Variants in RSKR observed in about 807,000 individuals in gnomAD.
RSKR encodes the protein ribosomal protein S6 kinase related.
Under a neutral mutation model 56.8 loss-of-function variants are expected in RSKR, and 44 were observed. That is an observed-to-expected ratio of 0.77 (90% CI 0.61 to 1.00). The LOEUF is 1.00. RSKR is among the 50% of genes least tolerant of loss of function. RSKR has a pLI of 0.00. For synonymous variants in RSKR, 181 were observed against 188.0 expected (o/e 0.96, Z 0.30); for missense variants, 510 against 506.9 (o/e 1.01, Z -0.06).
chr17:28,611,347 A>C (rs1264060387), intron 10 of RSKR, 46 bp downstream of exon 10: 2 of 1,535,806 alleles, frequency 1.3e-6, no homozygotes, highest in Non-Finnish European at 1.7e-6. Flanking sequence ...TCTTCCCACC[A>C]CAAGGCAAAG....
At position 28,614,155 on chromosome 17, in the gene RSKR, C is replaced by T. The variant is rs139122071; in HGVS notation, c.7G>A (p.Ala3Thr). Residue 3 changes from alanine to threonine, a missense_variant, in exon 1 of 12, where the codon GCA (alanine) becomes ACA (threonine). Transcript: ENST00000301037. MG[A>T]VSCRQGQHTQ... is the part of the protein sequence containing the mutation. ...TGCTGCCCCTGCCGACAGCTTACTGCTCCCATTCCCAGCCTCTGCCTCCTC... is the reference window on the plus strand; with the variant it reads ...TGCTGCCCCTGCCGACAGCTTACTGTTCCCATTCCCAGCCTCTGCCTCCTC... 3,265 of 1,613,494 alleles carry T rather than the reference C, an allele frequency of 2.0e-3. 92 individuals carry two copies. The Admixed American group carries it at 0.044, about 22-fold the overall frequency.
Position 28,611,767 on chromosome 17 carries a change from C to T in RSKR, c.721+1G>A, listed in dbSNP as rs1325629067. The T allele has an allele frequency of 1.9e-6, 3 of 1,614,190 alleles. No individual in the cohort carries two copies. The highest frequency in any genetic ancestry group is 4.5e-5 in the East Asian group (2 of 44,886). Reference sequence around the variant, plus strand: ...GGGGCTAAGGAAGGAAAAAGACTTACCTCGTTCATCTAGAAGAATATTCTC... The same window carrying T: ...GGGGCTAAGGAAGGAAAAAGACTTATCTCGTTCATCTAGAAGAATATTCTC... On this transcript the variant is annotated splice_donor_variant, in intron 8 of 11. Transcript: ENST00000301037. LOFTEE classifies it high-confidence loss of function.
chr17:28,610,632 C>CGAAA lies in RSKR; in HGVS notation c.1075_1078dup (p.Arg360LeufsTer36), dbSNP rs1567632741. On this transcript the variant is annotated frameshift_variant, in exon 12 of 12. Coordinates refer to ENST00000301037, the MANE Select transcript of RSKR (RefSeq NM_001174103.2). LOFTEE classifies it high-confidence loss of function. The stretch of plus-strand genomic sequence containing the variant: ...GAGCTCTGGGTCGAAGGCCACACCC[C>CGAAA]GAAAGAAAGGGTGGACCTGGAAGTG... 1 of 1,535,942 alleles carries CGAAA rather than the reference C, an allele frequency of 6.5e-7. No homozygotes were observed. The highest frequency in any genetic ancestry group is 2.0e-5 in the Admixed American group (1 of 50,960).
chr17:28,612,255 C>G lies in RSKR; in HGVS notation c.652+7G>C. On this transcript the variant is annotated splice_region_variant and intron_variant, in intron 6 of 11. Coordinates refer to ENST00000301037, the MANE Select transcript of RSKR (RefSeq NM_001174103.2). Reference sequence around the variant, plus strand: ...CTCCCCATTTCCTTTACCACTGTTTCACTTACACAGTACCAGCACCAACTC... The same window carrying G: ...CTCCCCATTTCCTTTACCACTGTTTGACTTACACAGTACCAGCACCAACTC... 1 of 1,613,862 alleles carries G rather than the reference C, an allele frequency of 6.2e-7. No individual in the cohort carries two copies. The highest frequency in any genetic ancestry group is 8.5e-7 in the Non-Finnish European group (1 of 1,179,754).
At chr17:28,613,748 A>G in intron 1 of RSKR, 60 bp from the exon 2 acceptor site, 2 of 1,599,184 alleles carry the variant, frequency 1.3e-6, no homozygotes, top group South Asian at 1.1e-5. Flanking sequence ...GGTTCCACCC[A>G]TCTTACTAGG....
rs1295426732 is a variant in RSKR, at chr17:28,612,569, A to G, written c.547+49T>C. 1.9e-6 allele frequency: 3 copies of G among 1,589,912 alleles called. No homozygotes were observed. In the Admixed American group the frequency reaches 5.0e-5, roughly 27 times the overall value. ...GCCAAAGAGGTAATCTCAGGTGGGG[A>G]ACATGGTACAAAGACCCTGGGGGAT... On this transcript the variant is annotated intron_variant, in intron 5 of 11. Coordinates refer to ENST00000301037, the MANE Select transcript of RSKR (RefSeq NM_001174103.2).
rs1428580326 is a variant in RSKR, at chr17:28,611,313, G to A, written c.901-60C>T. On this transcript the variant is annotated intron_variant, in intron 10 of 11. Coordinates refer to ENST00000301037, the MANE Select transcript of RSKR (RefSeq NM_001174103.2). Reference sequence around the variant, plus strand: ...GGGGTTCATTCCTTAGTAGGAATACGGCAAGATTTCCTAAGGTCTTCCTTC... The same window carrying A: ...GGGGTTCATTCCTTAGTAGGAATACAGCAAGATTTCCTAAGGTCTTCCTTC... 8.5e-6 allele frequency: 13 copies of A among 1,529,398 alleles called. No homozygotes were observed. In the East Asian group the frequency reaches 1.2e-4, roughly 14 times the overall value. 94.7% of individuals were successfully genotyped at this position (1,529,398 alleles called of 1,614,324 possible).
chr17:28,611,620 T>C lies in RSKR; in HGVS notation c.758A>G (p.His253Arg). 6.3e-7 allele frequency: 1 copy of C among 1,575,098 alleles called. No homozygotes were observed. The highest frequency in any genetic ancestry group is 8.6e-7 in the Non-Finnish European group (1 of 1,161,862). ...LKLTDFGLSRHVPQGAQAYTI... is the reference protein window; with the variant it reads ...LKLTDFGLSRRVPQGAQAYTI... ...GTAGGCTTGAGCTCCCTGGGGCACG[T>C]GGCGGGACAGACCAAAGTCTGTCAG... The change falls in exon 9 of 12, where the codon CAC (histidine) becomes CGC (arginine). Residue 253 changes from histidine to arginine, a missense_variant. By Grantham distance (29) the His-to-Arg change is conservative. Coordinates refer to ENST00000301037, the MANE Select transcript of RSKR (RefSeq NM_001174103.2).
intron 7 of RSKR, 69 bp from the exon 8 acceptor site, chr17:28,611,864 C>A: frequency 6.2e-7 from 1 of 1,613,140 alleles, no homozygotes; most frequent in South Asian, 1.1e-5. Context: ...GTATACACCC[C>A]AGCTGAAGGT....
rs2070773126 is a variant in RSKR, at chr17:28,608,558, G to A, written c.*1920C>T. The A allele has an allele frequency of 6.6e-6, 1 of 152,170 alleles. No homozygotes were observed. The highest frequency in any genetic ancestry group is 1.5e-5 in the Non-Finnish European group (1 of 68,048). 9.4% of individuals were successfully genotyped at this position (152,170 alleles called of 1,614,324 possible). A position where few individuals can be genotyped will look rare whatever the true frequency, so the allele number is the denominator to read the frequency against. On this transcript the variant is annotated 3_prime_UTR_variant, in exon 12 of 12. Transcript: ENST00000301037. The stretch of plus-strand genomic sequence containing the variant: ...TTGGGGAGAAACGGGGTTTCACCAT[G>A]TTGGCCAGGCTGGTCTCGAACTCCT...
rs1567632741 is a variant in RSKR at position 28,610,632 on chromosome 17, CGAAA to C, written c.1075_1078del (p.Phe359GlyfsTer15). On this transcript the variant is annotated frameshift_variant, in exon 12 of 12. Transcript: ENST00000301037. LOFTEE classifies it high-confidence loss of function. The stretch of plus-strand genomic sequence containing the variant: ...GAGCTCTGGGTCGAAGGCCACACCC[CGAAA>C]GAAAGGGTGGACCTGGAAGTGATGC... 2 of 1,535,942 alleles carry C rather than the reference CGAAA, an allele frequency of 1.3e-6. No individual in the cohort carries two copies. The highest frequency in any genetic ancestry group is 1.7e-6 in the Non-Finnish European group (2 of 1,146,900).
intron 5 of RSKR, 66 bp from the exon 6 acceptor site, chr17:28,612,432 C>T (rs2070830242): frequency 1.3e-6 from 2 of 1,540,692 alleles, no homozygotes; most frequent in African/African-American, 2.7e-5. Context: ...AGCTGCAATG[C>T]CTGGGCTCAA....
At position 28,614,167 on chromosome 17, in the gene RSKR, G is replaced by A; in HGVS notation, c.-6C>T. 1.2e-6 allele frequency: 2 copies of A among 1,613,098 alleles called. No individual in the cohort carries two copies. Among genetic ancestry groups the A allele is most frequent in the Non-Finnish European group, 8.5e-7 (1 of 1,179,954 alleles). ...CGACAGCTTACTGCTCCCATTCCCAGCCTCTGCCTCCTCTCTCTGCTAAAT... is the reference window on the plus strand; with the variant it reads ...CGACAGCTTACTGCTCCCATTCCCAACCTCTGCCTCCTCTCTCTGCTAAAT... On this transcript the variant is annotated 5_prime_UTR_variant, in exon 1 of 12. Coordinates refer to ENST00000301037, the MANE Select transcript of RSKR (RefSeq NM_001174103.2).
intron 11 of RSKR, 93 bp downstream of exon 11, chr17:28,611,050 A>T: frequency 8.5e-7 from 1 of 1,183,236 alleles, no homozygotes; most frequent in Non-Finnish European, 1.2e-6. Flanking sequence ...CCTCAAAAAA[A>T]CTGATGAGAG....
chr17:28,609,032 C>CTTTTT lies in RSKR; in HGVS notation c.*1441_*1445dup, dbSNP rs749382342. On this transcript the variant is annotated 3_prime_UTR_variant, in exon 12 of 12. Transcript: ENST00000301037. ...TTGAGATATGTCTCTAACCTTAAAT[C>CTTTTT]TTTTTTTTTTTTTTTTTTTTTTTTT... 13 of 93,658 alleles carry CTTTTT rather than the reference C, an allele frequency of 1.4e-4. No individual in the cohort carries two copies. The highest frequency in any genetic ancestry group is 2.9e-4 in the African/African-American group (6 of 20,834). 5.8% of individuals were successfully genotyped at this position (93,658 alleles called of 1,614,324 possible).
rs1278189855 is a variant in RSKR at position 28,608,188 on chromosome 17, T to C, written c.*2290A>G. The C allele has an allele frequency of 6.6e-6, 1 of 152,130 alleles. No homozygotes were observed. Among genetic ancestry groups the C allele is most frequent in the Non-Finnish European group, 1.5e-5 (1 of 68,024 alleles). The allele number at this position is 152,130 out of a possible 1,614,324, so 9.4% of individuals were successfully genotyped here. A position where few individuals can be genotyped will look rare whatever the true frequency, so the allele number is the denominator to read the frequency against. On this transcript the variant is annotated 3_prime_UTR_variant, in exon 12 of 12. Coordinates refer to ENST00000301037, the MANE Select transcript of RSKR (RefSeq NM_001174103.2). Reference sequence around the variant, plus strand: ...TGGGCTCTAAATGGTCTAGTATCAGTACAAACAGAAAAATACAATCAGCTG... The same window carrying C: ...TGGGCTCTAAATGGTCTAGTATCAGCACAAACAGAAAAATACAATCAGCTG...
Position 28,611,414 on chromosome 17 carries a change from A to G in RSKR, c.879T>C (p.Leu293=), listed in dbSNP as rs760944582. ...TCACCTTTCCAGTCGCCAGAGAGAA[A>G]AGCAAGACACCCAGGGACCACCAAT... ...AADWWSLGVL[L]FSLATGKFPV... is the part of the protein sequence containing the mutation. The change falls in exon 10 of 12, where the codon CTT becomes CTC. Residue 293 remains leucine (L), a synonymous_variant. Transcript: ENST00000301037. The G allele has an allele frequency of 6.3e-7, 1 of 1,599,148 alleles. No individual in the cohort carries two copies. The highest frequency in any genetic ancestry group is 1.1e-5 in the South Asian group (1 of 90,696).
In RSKR at chr17:28,613,660, G is replaced by A. The variant is rs758058775; in HGVS notation, c.104C>T (p.Ala35Val). 21 of 1,613,920 alleles carry A rather than the reference G, an allele frequency of 1.3e-5. No individual in the cohort carries two copies. Among genetic ancestry groups the A allele is most frequent in the African/African-American group, 2.7e-5 (2 of 74,850 alleles). ...TGTCCAGAGGCTCTTCCAGCCTCGG[G>A]CCCAGGGACCCCGGATGTTGCCACC... ...KQGGNIRGPWARGWKSLWTGL... is the reference protein window; with the variant it reads ...KQGGNIRGPWVRGWKSLWTGL... The change falls in exon 2 of 12, where the codon GCC (alanine) becomes GTC (valine). Residue 35 changes from alanine to valine, a missense_variant. By Grantham distance (64) the Ala-to-Val change is moderately conservative. Transcript: ENST00000301037.
intron 4 of RSKR, 129 bp downstream of exon 4, chr17:28,612,949 A>G (rs2070841143): frequency 2.0e-6 from 2 of 1,002,588 alleles, no homozygotes; most frequent in Non-Finnish European, 3.1e-6. Context: ...CCCAGGATCT[A>G]CTTTAGTGTT....
Sources: allele counts gnomAD v4.1 joint callset, GRCh38; gene constraint gnomAD v4.1.1; transcripts MANE v1.5; gene names NCBI Gene and HGNC (gene_info 2026-07-23, HGNC 2026-07-21).